Variants in NPR3 observed in about 807,000 individuals in gnomAD.
NPR3 encodes atrial natriuretic peptide receptor 3.
In NPR3, 34 loss-of-function variants were observed where a neutral mutation model predicts 54.5. That is an observed-to-expected ratio of 0.62 (90% confidence interval 0.47 to 0.83). NPR3 has a LOEUF of 0.83. Among genes scored for constraint, NPR3 ranks in the 40% least tolerant of loss-of-function variants. The probability of loss-of-function intolerance (pLI) is 0.00; values close to 1 mark genes in which losing one functional copy is unlikely to be tolerated. For missense variants in NPR3, 674 were observed against 720.8 expected (o/e 0.94, Z 0.74); for synonymous variants, 289 against 297.1 (o/e 0.97, Z 0.28).
chr5:32,705,999 T>A (rs1737973810), upstream of NPR3, among the ~76,000 whole-genome samples: 1 of 152,208 alleles, frequency 6.6e-6, no homozygotes, highest in Non-Finnish European at 1.5e-5. Context: ...CCAAATCTCA[T>A]GCTGAATTGT....
chr5:32,703,674 G>A (rs1737893921), intron 1 of NPR3, among the ~76,000 whole-genome samples: 1 of 152,088 alleles, frequency 6.6e-6, no homozygotes, highest in Non-Finnish European at 1.5e-5. Flanking sequence ...TGGAATGGGG[G>A]CCTCAGGACT....
In NPR3 at chr5:32,711,924, C is replaced by T. The variant is rs1459511006; in HGVS notation, c.148C>T (p.Pro50Ser). The T allele has an allele frequency of 1.3e-6, 2 of 1,506,318 alleles. No individual in the cohort carries two copies. The highest frequency in any genetic ancestry group is 5.0e-5 in the East Asian group (2 of 40,368). 93.3% of individuals were successfully genotyped at this position (1,506,318 alleles called of 1,614,324 possible). A position where few individuals can be genotyped will look rare whatever the true frequency, so the allele number is the denominator to read the frequency against. The change falls in exon 1 of 8, where the codon CCA becomes TCA. Residue 50 changes from proline (P) to serine (S), a missense_variant. Physicochemically the swap from Pro to Ser is moderately conservative, Grantham distance 74. Coordinates refer to ENST00000265074, the MANE Select transcript of NPR3 (RefSeq NM_001204375.2). ...ACGCCAGGAGAGAGAGGCGCTGCCGCCACAGAAGATCGAGGTGCTGGTGTT... is the reference window on the plus strand; with the variant it reads ...ACGCCAGGAGAGAGAGGCGCTGCCGTCACAGAAGATCGAGGTGCTGGTGTT... ...GGRQEREALP[P>S]QKIEVLVLLP...
intron 1 of NPR3, 61 bp from the exon 2 acceptor site, chr5:32,724,637 C>A: frequency 6.2e-7 from 1 of 1,602,306 alleles, no homozygotes; most frequent in South Asian, 1.1e-5. Context: ...TTACTGGTGT[C>A]AGCATGCTCG....
intron 4 of NPR3, among the ~76,000 whole-genome samples, chr5:32,779,475 G>A (rs922218660): frequency 9.2e-5 from 14 of 152,248 alleles, no homozygotes; most frequent in Admixed American, 2.0e-4. Context: ...AAGGCCCTCC[G>A]TTCTCTGGCC....
chr5:32,748,501 T>A (rs905295413), intron 3 of NPR3, among the ~76,000 whole-genome samples: 4 of 152,072 alleles, frequency 2.6e-5, no homozygotes, highest in African/African-American at 9.7e-5. Context: ...AAAGGTAGGG[T>A]TGCCCTGGGA....
intron 2 of NPR3, among the ~76,000 whole-genome samples, chr5:32,733,652 T>G (rs1405188923): frequency 6.6e-6 from 1 of 152,164 alleles, no homozygotes; most frequent in Admixed American, 6.5e-5. Flanking sequence ...CAGGGAGAGA[T>G]TAGAATTATG....
At position 32,711,938 on chromosome 5, in the gene NPR3, G is replaced by T. The variant is rs770920137; in HGVS notation, c.162G>T (p.Glu54Asp). Residue 54 changes from glutamate to aspartate, a missense_variant, in exon 1 of 8, where the codon GAG becomes GAT. Physicochemically the swap from Glu to Asp is conservative, Grantham distance 45. Coordinates refer to ENST00000265074, the MANE Select transcript of NPR3 (RefSeq NM_001204375.2). ...EREALPPQKIEVLVLLPQDDS... is the reference protein window; with the variant it reads ...EREALPPQKIDVLVLLPQDDS... The stretch of plus-strand genomic sequence containing the variant: ...AGGCGCTGCCGCCACAGAAGATCGA[G>T]GTGCTGGTGTTACTGCCCCAGGATG... 3.9e-6 allele frequency: 6 copies of T among 1,532,484 alleles called. No homozygotes were observed. The South Asian group carries it at 7.3e-5, about 19-fold the overall frequency. The allele number at this position is 1,532,484 out of a possible 1,614,324, so 94.9% of individuals were successfully genotyped here. A position where few individuals can be genotyped will look rare whatever the true frequency, so the allele number is the denominator to read the frequency against.
chr5:32,766,163 AGTG>A (rs1233236747), intron 3 of NPR3, among the ~76,000 whole-genome samples: 1 of 152,220 alleles, frequency 6.6e-6, no homozygotes, highest in Non-Finnish European at 1.5e-5. Flanking sequence ...AAGGGCGGGA[AGTG>A]GACTGGAGGA....
intron 3 of NPR3, among the ~76,000 whole-genome samples, chr5:32,748,466 G>A (rs1740414374): frequency 6.6e-6 from 1 of 152,222 alleles, no homozygotes; most frequent in Admixed American, 6.5e-5. Context: ...AAGGACCAAG[G>A]AAGAGGTAGT....
At chr5:32,729,043 T>C (rs1309997417) in intron 2 of NPR3, among the ~76,000 whole-genome samples, 1 of 137,222 alleles carries the variant, frequency 7.3e-6, no homozygotes, top group Admixed American at 7.2e-5. Context: ...TTGTTTTTTT[T>C]TTTTGAGACG....
intron 3 of NPR3, among the ~76,000 whole-genome samples, chr5:32,766,630 T>A (rs1741486398): frequency 6.6e-6 from 1 of 152,222 alleles, no homozygotes; most frequent in South Asian, 2.1e-4. Flanking sequence ...ACATTTATTA[T>A]TATTATTATT....
At chr5:32,698,163 T>C (rs1249522817) in intron 1 of NPR3, among the ~76,000 whole-genome samples, 1 of 152,090 alleles carries the variant, frequency 6.6e-6, no homozygotes. Context: ...TTTCACTGTA[T>C]CCCATGGGTT....
At chr5:32,691,572 G>A (rs559613671) in intron 1 of NPR3, among the ~76,000 whole-genome samples, 1 of 152,234 alleles carries the variant, frequency 6.6e-6, no homozygotes, top group Admixed American at 6.5e-5. Flanking sequence ...CACCTGAAAG[G>A]CGTTAGAAAC....
chr5:32,727,185 G>A (rs1225333422), intron 2 of NPR3, among the ~76,000 whole-genome samples: 1 of 152,036 alleles, frequency 6.6e-6, no homozygotes, highest in African/African-American at 2.4e-5. Context: ...GGAGTACAGA[G>A]GCGTGATCTT....
chr5:32,771,916 T>C (rs1741780236), intron 3 of NPR3, among the ~76,000 whole-genome samples: 1 of 151,984 alleles, frequency 6.6e-6, no homozygotes, highest in African/African-American at 2.4e-5. Flanking sequence ...TGTAGCTGGC[T>C]GGCTTCTGTA....
At chr5:32,718,686 G>T (rs1202665942) in intron 1 of NPR3, among the ~76,000 whole-genome samples, 3 of 152,122 alleles carry the variant, frequency 2.0e-5, no homozygotes, top group African/African-American at 4.8e-5. Context: ...TGTGATTTTT[G>T]CACATTGATT....
intron 2 of NPR3, among the ~76,000 whole-genome samples, chr5:32,734,119 G>T (rs1366376816): frequency 6.6e-6 from 1 of 152,154 alleles, no homozygotes; most frequent in Non-Finnish European, 1.5e-5. Context: ...CCCCATTAAG[G>T]GGTGCTGTTA....
chr5:32,713,345 T>C, intron 1 of NPR3: 1 of 985,374 alleles, frequency 1.0e-6, no homozygotes, highest in Non-Finnish European at 1.2e-6. Flanking sequence ...AAACCCAAAC[T>C]GGACAAAGAG....
chr5:32,760,105 C>T (rs1345080395), intron 3 of NPR3, among the ~76,000 whole-genome samples: 1 of 150,660 alleles, frequency 6.6e-6, no homozygotes, highest in African/African-American at 2.4e-5. Flanking sequence ...ATTTGTTTAT[C>T]TATTCTTCTG....
Sources: allele counts gnomAD v4.1 joint callset (sites outside exome capture counted in the v4.1 genomes callset), GRCh38; gene constraint gnomAD v4.1.1; transcripts MANE v1.5; gene names NCBI Gene and HGNC (gene_info 2026-07-23, HGNC 2026-07-21).